PLXNB2: variants seen among roughly 807,000 people sequenced by gnomAD.
PLXNB2 encodes plexin B2.
In PLXNB2, 85 loss-of-function variants were observed where a neutral mutation model predicts 202.6. The observed-to-expected ratio is 0.42, with a 90% CI of 0.35 to 0.50. The LOEUF (loss-of-function observed/expected upper bound fraction) is 0.50, where lower values mean the gene tolerates loss of function less well. PLXNB2 is among the 20% of genes least tolerant of loss of function. The pLI, the probability that PLXNB2 is intolerant of heterozygous loss-of-function variation, is 0.02. For synonymous variants in PLXNB2, 1,239 were observed against 1,137.6 expected, an observed-to-expected ratio of 1.09 and a Z score of -1.79; for missense variants, 2,063 against 2,586.2, an observed-to-expected ratio of 0.80 and a Z score of 4.39.
At chr22:50,278,381 G>A in intron 30 of PLXNB2, 54 bp downstream of exon 30, 1 of 1,557,134 alleles carries the variant, frequency 6.4e-7, no homozygotes, top group Non-Finnish European at 8.8e-7. Context: ...GGCAGACATG[G>A]TCCACGCTGA....
rs778128241 is a variant in PLXNB2, at chr22:50,288,053, C to T, written c.1381-16G>A. 7.1e-6 allele frequency: 11 copies of T among 1,544,780 alleles called. No individual in the cohort carries two copies. Among genetic ancestry groups the T allele is most frequent in the Admixed American group, 3.9e-5 (2 of 51,220 alleles). On this transcript the variant is annotated splice_polypyrimidine_tract_variant and intron_variant, in intron 5 of 36. Transcript: ENST00000359337. This position sits in a 1 kb window ranked among gnomAD's most constrained non-coding sequence, Gnocchi z 5.0. ...GCCGGAACACCTAGGGCAGCGGGGC[C>T]GTGAGTGGGACCACAGCAGAGGCCG...
At chr22:50,290,646 G>C in intron 2 of PLXNB2, 49 bp from the exon 3 acceptor site, 1 of 1,478,498 alleles carries the variant, frequency 6.8e-7, no homozygotes, top group Non-Finnish European at 9.0e-7. Context: ...GAGGACCCCC[G>C]ATCAAATCCC....
chr22:50,282,623 C>T (rs2066085671), intron 18 of PLXNB2, 88 bp downstream of exon 18: 1 of 948,594 alleles, frequency 1.1e-6, no homozygotes, highest in Non-Finnish European at 1.5e-6. Flanking sequence ...CCAGCCCCAC[C>T]ACATTCCTTT....
chr22:50,277,264 G>A lies in PLXNB2; in HGVS notation c.5196+327C>T, dbSNP rs113406645. ...TGCAGTGAGCAGAGATCGCGCCACT[G>A]CACTCCAGCCTGGGCGACAGAGAGA... On this transcript the variant is annotated intron_variant, in intron 33 of 36. Coordinates refer to ENST00000359337, the MANE Select transcript of PLXNB2 (RefSeq NM_012401.4). 6.1e-3 allele frequency among the ~76,000 whole-genome samples: 926 copies of A among 150,888 alleles called. 12 individuals carry two copies. The highest frequency in any genetic ancestry group is 0.022 in the African/African-American group (899 of 40,908).
intron 1 of PLXNB2, 42 bp downstream of exon 1, chr22:50,307,511 C>T: frequency 2.1e-6 from 2 of 959,822 alleles, no homozygotes; most frequent in South Asian, 4.8e-5. Context: ...CCCCCACGCC[C>T]AGCGAGACGT....
chr22:50,290,031 G>A lies in PLXNB2; in HGVS notation c.554C>T (p.Thr185Ile). Residue 185 changes from threonine (T) to isoleucine (I), a missense_variant, in exon 3 of 37, where the codon ACT becomes ATT. Around this residue, in one of 2 missense-constraint regions of PLXNB2, gnomAD observed 1,303 missense variants for 1,476.8 expected, o/e 0.88. Transcript: ENST00000359337. ...GCTGTCAGTCCGGTCCAACAGCCGA[G>A]TGCTCACGATGATGCCGTTGTCGTG... ...GPHDNGIIVS[T>I]RLLDRTDSRE... The A allele has an allele frequency of 6.2e-7, 1 of 1,613,480 alleles. No individual in the cohort carries two copies. The highest frequency in any genetic ancestry group is 8.5e-7 in the Non-Finnish European group (1 of 1,180,042).
rs1354097895 is a variant in PLXNB2, at chr22:50,288,871, C to G, written c.1252G>C (p.Val418Leu). 1 of 1,613,232 alleles carries G rather than the reference C, an allele frequency of 6.2e-7. No individual in the cohort carries two copies. Among genetic ancestry groups the G allele is most frequent in the African/African-American group, 1.3e-5 (1 of 74,930 alleles). The change falls in exon 5 of 37, where the codon GTG (valine) becomes CTG (leucine). Residue 418 changes from valine (V) to leucine (L), a missense_variant and splice_region_variant. Physicochemically the swap from Val to Leu is conservative, Grantham distance 32. Around this residue, in one of 2 missense-constraint regions of PLXNB2, gnomAD observed 1,303 missense variants for 1,476.8 expected, o/e 0.88. Coordinates refer to ENST00000359337, the MANE Select transcript of PLXNB2 (RefSeq NM_012401.4). The surrounding 1 kb of genome is among the most constrained non-coding windows in gnomAD (Gnocchi z 5.0). ...LGTSDGRILK[V>L]YLTPDGTSSE... ...GAGGTGCCATCTGGGGTGAGGTACA[C>G]CTGTGTGCGCGAGGGCAGGCCGGTG... is the stretch of plus-strand genomic sequence containing the variant.
At chr22:50,296,479 G>T (rs992120154) in intron 1 of PLXNB2, among the ~76,000 whole-genome samples, 1 of 149,850 alleles carries the variant, frequency 6.7e-6, no homozygotes, top group Non-Finnish European at 1.5e-5. Flanking sequence ...GGTGGCTCAC[G>T]CCTGTAATCC....
chr22:50,277,668 C>T lies in PLXNB2; in HGVS notation c.5119G>A (p.Val1707Met). Reference protein sequence around the residue: ...HFIFDVHVHEVVDASLSVIAQ... With the variant: ...HFIFDVHVHEMVDASLSVIAQ... ...ATGACTGACAGCGAGGCGTCCACCA[C>T]CTCGTGGACATGCACGTCAAAGATG... Residue 1707 changes from valine (V) to methionine (M), a missense_variant, in exon 33 of 37, where the codon GTG becomes ATG. By Grantham distance (21) the Val-to-Met change is conservative. Coordinates refer to ENST00000359337, the MANE Select transcript of PLXNB2 (RefSeq NM_012401.4). The T allele has an allele frequency of 6.2e-7, 1 of 1,609,020 alleles. No homozygotes were observed.
chr22:50,279,607 C>T (rs112066596), intron 27 of PLXNB2, 23 bp downstream of exon 27: 50 of 1,610,436 alleles, frequency 3.1e-5, no homozygotes, highest in East Asian at 1.1e-4. Context: ...GCGCCCATGG[C>T]GGCCCCCACC....
At chr22:50,300,302 C>T in intron 1 of PLXNB2, 1 of 985,444 alleles carries the variant, frequency 1.0e-6, no homozygotes, top group Non-Finnish European at 1.2e-6. Flanking sequence ...TCGGATCGCA[C>T]AGCCGGCCAT....
chr22:50,307,323 G>A (rs1307470836), intron 1 of PLXNB2, among the ~76,000 whole-genome samples: 3 of 150,994 alleles, frequency 2.0e-5, no homozygotes, highest in East Asian at 2.0e-4. Context: ...CCCCGCCGCC[G>A]GGCCCGTCCC....
intron 2 of PLXNB2, 57 bp from the exon 3 acceptor site, chr22:50,290,654 C>T: frequency 6.8e-7 from 1 of 1,466,378 alleles, no homozygotes; most frequent in Non-Finnish European, 9.0e-7. Flanking sequence ...CCGATCAAAT[C>T]CCTCTCCAGT....
chr22:50,279,061 G>A (rs757598847), intron 27 of PLXNB2, 50 bp from the exon 28 acceptor site: 6 of 1,538,006 alleles, frequency 3.9e-6, no homozygotes. Flanking sequence ...GCTCTTACCT[G>A]CACCATGCAG....
Position 50,275,266 on chromosome 22 carries a change from A to G in PLXNB2, c.*438T>C. 2.6e-6 allele frequency: 1 copy of G among 391,964 alleles called. No homozygotes were observed. The highest frequency in any genetic ancestry group is 5.1e-6 in the Non-Finnish European group (1 of 195,686). The allele number at this position is 391,964 out of a possible 1,614,324, so 24.3% of individuals were successfully genotyped here. A position where few individuals can be genotyped will look rare whatever the true frequency, so the allele number is the denominator to read the frequency against. ...TCGTACCGCTTTTTCTCCTCCTCCC[A>G]TCTCGTGGTGGACAGACAGACATAG... On this transcript the variant is annotated 3_prime_UTR_variant, in exon 37 of 37. Coordinates refer to ENST00000359337, the MANE Select transcript of PLXNB2 (RefSeq NM_012401.4).
intron 1 of PLXNB2, among the ~76,000 whole-genome samples, 171 bp downstream of exon 1, chr22:50,307,382 C>A (rs2067927507): frequency 6.6e-6 from 1 of 151,414 alleles, no homozygotes; most frequent in Admixed American, 6.6e-5. Flanking sequence ...CCGGGCCTCG[C>A]CGGATGGACC....
In PLXNB2 at chr22:50,282,947, C is replaced by G. The variant is rs569061039; in HGVS notation, c.2817-66G>C. Reference sequence around the variant, plus strand: ...CGGGACCAGCCCCAGCCCGACCAGGCTGGCCCCGCCATCCCCTCAGGGCCA... The same window carrying G: ...CGGGACCAGCCCCAGCCCGACCAGGGTGGCCCCGCCATCCCCTCAGGGCCA... On this transcript the variant is annotated intron_variant, in intron 17 of 36. Transcript: ENST00000359337. 710 of 1,556,376 alleles carry G rather than the reference C, an allele frequency of 4.6e-4. 8 individuals carry two copies. The South Asian group carries it at 8.0e-3, about 18-fold the overall frequency.
chr22:50,279,501 G>A (rs2065841381), intron 27 of PLXNB2, 129 bp downstream of exon 27: 2 of 903,086 alleles, frequency 2.2e-6, no homozygotes, highest in Admixed American at 2.3e-5. Context: ...GTTAGAGCAG[G>A]CTGTAACTCG....
intron 2 of PLXNB2, among the ~76,000 whole-genome samples, chr22:50,292,717 C>T (rs560160901): frequency 4.0e-4 from 61 of 152,120 alleles, no homozygotes; most frequent in Non-Finnish European, 7.8e-4. Context: ...CTGGCACAGC[C>T]GCCCTCCACC....
Sources: gnomAD v4.1 joint callset for allele counts (sites outside exome capture counted in the v4.1 genomes callset) on GRCh38, gnomAD v4.1.1 for gene constraint, gnomAD v4.1.1 regional missense constraint, Gnocchi (gnomAD v3.1) non-coding constraint, MANE v1.5 for transcripts, NCBI Gene and HGNC (gene_info 2026-07-23, HGNC 2026-07-21) for gene names.